DNAH3: variants seen among roughly 807,000 people sequenced by gnomAD.
The protein encoded by DNAH3 is axonemal beta dynein heavy chain 3.
In DNAH3, 332 loss-of-function variants were observed where a neutral mutation model predicts 432.5. That is an observed-to-expected ratio of 0.77 (90% CI 0.70 to 0.84). The LOEUF is 0.84. DNAH3 is among the 40% of genes least tolerant of loss of function. The pLI is 0.00. For synonymous variants in DNAH3, 1,956 were observed against 1,900.2 expected (o/e 1.03, Z -0.76); for missense variants, 4,861 against 5,114.0 (o/e 0.95, Z 1.51).
intron 53 of DNAH3, among the ~76,000 whole-genome samples, chr16:20,961,761 T>C (rs1040289746): frequency 2.3e-5 from 3 of 132,628 alleles, no homozygotes; most frequent in African/African-American, 8.9e-5. Flanking sequence ...TTTCTGGTTT[T>C]TTTTTTTTTT....
At chr16:21,099,186 AC>A (rs1455882897) in intron 16 of DNAH3, among the ~76,000 whole-genome samples, 3 of 152,098 alleles carry the variant, frequency 2.0e-5, no homozygotes, top group African/African-American at 7.2e-5. Context: ...TAAGTTCTCT[AC>A]CTTCATGGAG....
chr16:21,067,365 G>A, exon 24 of DNAH3: 1 of 1,614,044 alleles, frequency 6.2e-7, no homozygotes, highest in Non-Finnish European at 8.5e-7. Context: ...GCTTCTTGAA[G>A]CTTCTCTGCC....
At chr16:20,986,574 G>C (rs1430269570) in intron 47 of DNAH3, among the ~76,000 whole-genome samples, 2 of 152,106 alleles carry the variant, frequency 1.3e-5, no homozygotes, top group Non-Finnish European at 2.9e-5. Flanking sequence ...CAGTCTATTT[G>C]CCATGTGATT....
intron 56 of DNAH3, 145 bp downstream of exon 56, chr16:20,952,288 G>T: frequency 1.7e-6 from 1 of 588,596 alleles, no homozygotes. Flanking sequence ...ACAATATCTA[G>T]CATGATGACC....
exon 24 of DNAH3, chr16:21,067,354 G>A (rs1194594836): frequency 6.2e-7 from 1 of 1,613,956 alleles, no homozygotes; most frequent in South Asian, 1.1e-5. Flanking sequence ...AGAGAAAGTT[G>A]GCTTCTTGAA....
exon 19 of DNAH3, chr16:21,086,874 C>T (rs2152779838): frequency 6.2e-7 from 1 of 1,614,164 alleles, no homozygotes; most frequent in Non-Finnish European, 8.5e-7. Flanking sequence ...GTCTTTCATT[C>T]CTGGGTTGCA....
At chr16:20,979,390 C>G (rs371842541) in exon 50 of DNAH3, 1 of 1,614,150 alleles carries the variant, frequency 6.2e-7, no homozygotes, top group Admixed American at 1.7e-5. Context: ...TCATCATAGC[C>G]ACCTCTTGCC....
At chr16:21,002,880 C>T (rs1189951474) in intron 42 of DNAH3, among the ~76,000 whole-genome samples, 1 of 152,164 alleles carries the variant, frequency 6.6e-6, no homozygotes, top group Non-Finnish European at 1.5e-5. Context: ...TAAATGTTCC[C>T]CCCACCGCCA....
intron 59 of DNAH3, 75 bp from the exon 60 acceptor site, chr16:20,936,928 C>T: frequency 4.1e-6 from 5 of 1,210,222 alleles, no homozygotes; most frequent in Non-Finnish European, 5.8e-6. Flanking sequence ...GACTGCTGTC[C>T]CCTTTAAAAT....
exon 47 of DNAH3, chr16:20,987,396 T>C (rs888451237): frequency 1.7e-5 from 27 of 1,614,084 alleles, no homozygotes; most frequent in Non-Finnish European, 2.2e-5. Context: ...CAGACGATCA[T>C]AGAAGACCCG....
intron 47 of DNAH3, 110 bp downstream of exon 47, chr16:20,987,195 G>T: frequency 7.6e-7 from 1 of 1,310,616 alleles, no homozygotes; most frequent in Non-Finnish European, 1.1e-6. Flanking sequence ...CCGAGATTCA[G>T]AGTGCAGAGC....
chr16:21,098,030 A>C (rs2152792252), intron 17 of DNAH3, among the ~76,000 whole-genome samples: 1 of 152,352 alleles, frequency 6.6e-6, no homozygotes, highest in South Asian at 2.1e-4. Flanking sequence ...ATTGCTAAGC[A>C]CATAATAAAT....
At chr16:21,029,935 C>T (rs1334243189) in intron 37 of DNAH3, among the ~76,000 whole-genome samples, 1 of 152,128 alleles carries the variant, frequency 6.6e-6, no homozygotes, top group Non-Finnish European at 1.5e-5. Flanking sequence ...GGGATCCTCA[C>T]ACCTCAGCCT....
chr16:21,033,666 C>T (rs2089009760), intron 36 of DNAH3, among the ~76,000 whole-genome samples: 1 of 152,190 alleles, frequency 6.6e-6, no homozygotes, highest in African/African-American at 2.4e-5. Flanking sequence ...TGCTTTTAGA[C>T]TAATTTTAAG....
intron 38 of DNAH3, 117 bp downstream of exon 38, chr16:21,026,910 A>G: frequency 1.5e-6 from 1 of 672,342 alleles, no homozygotes; most frequent in Non-Finnish European, 2.5e-6. Flanking sequence ...AAAAATAATA[A>G]TAATGTAGAT....
intron 20 of DNAH3, among the ~76,000 whole-genome samples, chr16:21,076,315 C>G (rs139653933): frequency 1.3e-5 from 2 of 152,288 alleles, no homozygotes; most frequent in African/African-American, 4.8e-5. Flanking sequence ...AGACAGCCAT[C>G]TGCAAGCCAA....
At chr16:21,124,719 G>A (rs2092411915) in intron 9 of DNAH3, among the ~76,000 whole-genome samples, 2 of 151,760 alleles carry the variant, frequency 1.3e-5, no homozygotes, top group Non-Finnish European at 2.9e-5. Context: ...GCGCGATCTG[G>A]TCTCACTGCA....
intron 43 of DNAH3, among the ~76,000 whole-genome samples, chr16:20,999,777 G>C (rs1347636318): frequency 6.6e-6 from 1 of 152,190 alleles, no homozygotes; most frequent in African/African-American, 2.4e-5. Flanking sequence ...AAAATTCACT[G>C]TGCTTATTTC....
chr16:20,966,732 A>C (rs544345250), intron 52 of DNAH3, among the ~76,000 whole-genome samples: 1 of 152,282 alleles, frequency 6.6e-6, no homozygotes, highest in Non-Finnish European at 1.5e-5. Flanking sequence ...TGAGTTTCGA[A>C]TATCCTTCCC....
Sources: gnomAD v4.1 joint callset for allele counts (sites outside exome capture counted in the v4.1 genomes callset) on GRCh38, gnomAD v4.1.1 for gene constraint, MANE v1.5 for transcripts, NCBI Gene and HGNC (gene_info 2026-07-23, HGNC 2026-07-21) for gene names.